SREK1IP1: variants seen among roughly 807,000 people sequenced by gnomAD.
The protein encoded by SREK1IP1 is SREK1 interacting protein 1.
A neutral mutation model predicts 22.8 loss-of-function variants in SREK1IP1; 12 were observed. That is an observed-to-expected ratio of 0.53 (90% CI 0.34 to 0.85). The LOEUF (loss-of-function observed/expected upper bound fraction) is 0.85. SREK1IP1 is among the 40% of genes least tolerant of loss of function. The probability of loss-of-function intolerance (pLI) is 0.02; values close to 1 mark genes in which losing one functional copy is unlikely to be tolerated. For synonymous variants in SREK1IP1, 53 were observed against 52.7 expected, an observed-to-expected ratio of 1.01 and a Z score of -0.02; for missense variants, 147 against 171.8, an observed-to-expected ratio of 0.86 and a Z score of 0.81.
intron 1 of SREK1IP1, among the ~76,000 whole-genome samples, chr5:64,761,458 G>T (rs1044339218): frequency 2.0e-5 from 3 of 152,052 alleles, no homozygotes; most frequent in Non-Finnish European, 2.9e-5. Context: ...CATAAATCTG[G>T]GTGATATAGC....
At chr5:64,741,011 G>T in intron 3 of SREK1IP1, 46 bp downstream of exon 3, 1 of 1,541,190 alleles carries the variant, frequency 6.5e-7, no homozygotes, top group Non-Finnish European at 8.9e-7. Flanking sequence ...TAATATGACA[G>T]AACATTTACA....
intron 1 of SREK1IP1, among the ~76,000 whole-genome samples, chr5:64,764,278 C>G (rs1004142646): frequency 1.1e-3 from 164 of 152,294 alleles, no homozygotes; most frequent in African/African-American, 3.9e-3. Flanking sequence ...GCAACCACAG[C>G]TGTAATCCAT....
intron 2 of SREK1IP1, among the ~76,000 whole-genome samples, chr5:64,752,530 AAACTT>A (rs1742766869): frequency 6.6e-6 from 1 of 152,090 alleles, no homozygotes; most frequent in South Asian, 2.1e-4. Context: ...TAATATATTC[AAACTT>A]AACTCAAAAC....
chr5:64,754,608 CATGT>C, intron 1 of SREK1IP1: 1 of 388,860 alleles, frequency 2.6e-6, no homozygotes, highest in Non-Finnish European at 4.8e-6. Context: ...AGACTACAGG[CATGT>C]GCCACCACAC....
chr5:64,750,622 A>G (rs1324230470), intron 2 of SREK1IP1, among the ~76,000 whole-genome samples: 2 of 152,082 alleles, frequency 1.3e-5, no homozygotes, highest in Non-Finnish European at 2.9e-5. Flanking sequence ...CTGTCTCAAA[A>G]CATTCATCAC....
At position 64,719,316 on chromosome 5, in the gene SREK1IP1, T is replaced by C. The variant is rs903029689; in HGVS notation, c.*5068A>G. The stretch of plus-strand genomic sequence containing the variant: ...CAAAGTTGAACTTCACATTCAAAAA[T>C]ACAATTTTGCAAAGGTTTAAATACT... On this transcript the variant is annotated 3_prime_UTR_variant, in exon 5 of 5. Transcript: ENST00000513458. 1.3e-5 allele frequency: 2 copies of C among 152,188 alleles called. No homozygotes were observed. Among genetic ancestry groups the C allele is most frequent in the Admixed American group, 1.3e-4 (2 of 15,274 alleles). 9.4% of individuals were successfully genotyped at this position (152,188 alleles called of 1,614,324 possible).
At chr5:64,728,844 T>C (rs1238198144) in intron 3 of SREK1IP1, among the ~76,000 whole-genome samples, 1 of 152,210 alleles carries the variant, frequency 6.6e-6, no homozygotes, top group Non-Finnish European at 1.5e-5. Context: ...CAATAAGCAA[T>C]GGAAATCTTT....
chr5:64,741,544 T>C (rs1405466410), intron 2 of SREK1IP1, among the ~76,000 whole-genome samples: 1 of 152,148 alleles, frequency 6.6e-6, no homozygotes, highest in Non-Finnish European at 1.5e-5. Flanking sequence ...AAAAATACCA[T>C]CATACTTGGG....
In SREK1IP1 at chr5:64,741,025, A is replaced by C. The variant is rs1384557802; in HGVS notation, c.205+32T>G. 5 of 1,584,706 alleles carry C rather than the reference A, an allele frequency of 3.2e-6. No individual in the cohort carries two copies. In the East Asian group the frequency reaches 1.1e-4, roughly 36 times the overall value. On this transcript the variant is annotated intron_variant, in intron 3 of 4. Coordinates refer to ENST00000513458, the MANE Select transcript of SREK1IP1 (RefSeq NM_173829.4). ...ATAATATGACAGAACATTTACAAAC[A>C]TTTCTAAAGAATGGAAAAAAATATT...
chr5:64,745,984 C>A (rs1171681388), intron 2 of SREK1IP1, among the ~76,000 whole-genome samples: 2 of 152,048 alleles, frequency 1.3e-5, no homozygotes, highest in African/African-American at 4.8e-5. Context: ...TATTATAAAT[C>A]TATAGCAATC....
intron 1 of SREK1IP1, among the ~76,000 whole-genome samples, chr5:64,759,517 T>G (rs1382491276): frequency 6.6e-6 from 1 of 152,066 alleles, no homozygotes; most frequent in Non-Finnish European, 1.5e-5. Flanking sequence ...AACTTATAAA[T>G]TTGACATTGG....
At chr5:64,743,208 T>C (rs755013226) in intron 2 of SREK1IP1, among the ~76,000 whole-genome samples, 1 of 152,184 alleles carries the variant, frequency 6.6e-6, no homozygotes, top group Non-Finnish European at 1.5e-5. Flanking sequence ...AAGATAATAA[T>C]ACTGTTCCTT....
chr5:64,736,984 T>A (rs1376148191), intron 3 of SREK1IP1, among the ~76,000 whole-genome samples: 1 of 151,646 alleles, frequency 6.6e-6, no homozygotes, highest in Non-Finnish European at 1.5e-5. Flanking sequence ...CAAAAAGTTA[T>A]GAGGAACTAA....
chr5:64,739,120 G>A (rs1473288736), intron 3 of SREK1IP1, among the ~76,000 whole-genome samples: 1 of 152,092 alleles, frequency 6.6e-6, no homozygotes, highest in Non-Finnish European at 1.5e-5. Context: ...TTTTAGCTCT[G>A]TGTTTGGTAC....
chr5:64,724,245 A>C lies in SREK1IP1; in HGVS notation c.*139T>G. ...TTAAAAATATATTGCCAGAGGGATA[A>C]TGGTCCCAAATACGAAAAATGTCTA... On this transcript the variant is annotated 3_prime_UTR_variant, in exon 5 of 5. Coordinates refer to ENST00000513458, the MANE Select transcript of SREK1IP1 (RefSeq NM_173829.4). 2 of 697,292 alleles carry C rather than the reference A, an allele frequency of 2.9e-6. No homozygotes were observed. The highest frequency in any genetic ancestry group is 2.3e-6 in the Non-Finnish European group (1 of 427,202). The allele number at this position is 697,292 out of a possible 1,614,324, so 43.2% of individuals were successfully genotyped here. A position where few individuals can be genotyped will look rare whatever the true frequency, so the allele number is the denominator to read the frequency against.
At chr5:64,741,542 C>T (rs1420637497) in intron 2 of SREK1IP1, among the ~76,000 whole-genome samples, 3 of 151,840 alleles carry the variant, frequency 2.0e-5, no homozygotes, top group Non-Finnish European at 4.4e-5. Context: ...TAAAAAATAC[C>T]ATCATACTTG....
At chr5:64,761,258 A>G (rs1027478320) in intron 1 of SREK1IP1, among the ~76,000 whole-genome samples, 1 of 152,202 alleles carries the variant, frequency 6.6e-6, no homozygotes, top group Non-Finnish European at 1.5e-5. Context: ...TAGCCATATA[A>G]TTTTGAATCC....
rs753059870 is a variant in SREK1IP1, at chr5:64,720,926, T to A, written c.*3458A>T. 5.7e-4 allele frequency: 87 copies of A among 152,388 alleles called. No homozygotes were observed. Among genetic ancestry groups the A allele is most frequent in the Non-Finnish European group, 1.1e-3 (73 of 68,068 alleles). 9.4% of individuals were successfully genotyped at this position (152,388 alleles called of 1,614,324 possible). On this transcript the variant is annotated 3_prime_UTR_variant, in exon 5 of 5. Coordinates refer to ENST00000513458, the MANE Select transcript of SREK1IP1 (RefSeq NM_173829.4). ...GAACTTAAAATGGTAGTCTCAATTCTTACCACTTCCTGCCTCGCCTATGAT... is the reference window on the plus strand; with the variant it reads ...GAACTTAAAATGGTAGTCTCAATTCATACCACTTCCTGCCTCGCCTATGAT...
intron 3 of SREK1IP1, among the ~76,000 whole-genome samples, chr5:64,733,863 T>C (rs1192649543): frequency 6.6e-6 from 1 of 152,072 alleles, no homozygotes; most frequent in East Asian, 1.9e-4. Flanking sequence ...AAAAAGCTCA[T>C]CAGAAGGGTT....
Sources: allele counts gnomAD v4.1 joint callset (sites outside exome capture counted in the v4.1 genomes callset), GRCh38; gene constraint gnomAD v4.1.1; transcripts MANE v1.5; gene names NCBI Gene and HGNC (gene_info 2026-07-23, HGNC 2026-07-21).